SHROOM4: variants seen among roughly 807,000 people sequenced by gnomAD.
SHROOM4 encodes shroom family member 4.
A neutral mutation model predicts 80.3 loss-of-function variants in SHROOM4; 17 were observed. The ratio of observed to expected loss-of-function variants is 0.21; its 90% CI spans 0.14 to 0.32. SHROOM4 has a LOEUF of 0.32. Among genes scored for constraint, SHROOM4 ranks in the 10% least tolerant of loss-of-function variants. SHROOM4 has a pLI of 1.00. For missense variants in SHROOM4, 993 were observed against 1,140.3 expected (o/e 0.87, Z 1.86); for synonymous variants, 400 against 437.5 (o/e 0.91, Z 1.07).
chrX:50,734,833 G>A (rs1466707449), intron 1 of SHROOM4, among the ~76,000 whole-genome samples: 1 of 111,196 alleles, frequency 9.0e-6, no homozygotes, highest in East Asian at 2.8e-4. Flanking sequence ...TAGTGAATAA[G>A]TCTCATGAAA....
At chrX:50,623,433 C>T (rs1275591063) in intron 5 of SHROOM4, among the ~76,000 whole-genome samples, 2 of 111,174 alleles carry the variant, frequency 1.8e-5, no homozygotes, top group Non-Finnish European at 3.8e-5. Context: ...AGGGATCTGC[C>T]GGCTTCGGCC....
chrX:50,791,772 G>A (rs1935858088), intron 1 of SHROOM4, among the ~76,000 whole-genome samples: 1 of 108,305 alleles, frequency 9.2e-6, no homozygotes, highest in Admixed American at 1.0e-4. Flanking sequence ...ACTTCAAATA[G>A]CCAAAACAAT....
chrX:50,589,903 T>C lies in SHROOM4; in HGVS notation c.*6792A>G, dbSNP rs1928832664. On this transcript the variant is annotated 3_prime_UTR_variant, in exon 9 of 9. Coordinates refer to ENST00000376020, the MANE Select transcript of SHROOM4 (RefSeq NM_020717.5). ...AATTTACATCCCCATCAGCAATGTATGAGTGTTCCAATTTCTTCATTTCCT... is the reference window on the plus strand; with the variant it reads ...AATTTACATCCCCATCAGCAATGTACGAGTGTTCCAATTTCTTCATTTCCT... Among the ~76,000 whole-genome samples, 2 of 112,480 alleles carry C rather than the reference T, an allele frequency of 1.8e-5. No homozygotes were observed. Among genetic ancestry groups the C allele is most frequent in the Non-Finnish European group, 3.8e-5 (2 of 53,315 alleles).
intron 1 of SHROOM4, among the ~76,000 whole-genome samples, chrX:50,771,519 C>G (rs1265820070): frequency 8.9e-6 from 1 of 112,062 alleles, no homozygotes; most frequent in Non-Finnish European, 1.9e-5. Context: ...TCATGGAAAT[C>G]TGGGAGAAAT....
At chrX:50,704,680 G>A (rs1232865907) in intron 1 of SHROOM4, among the ~76,000 whole-genome samples, 1 of 111,951 alleles carries the variant, frequency 8.9e-6, no homozygotes, top group Non-Finnish European at 1.9e-5. Flanking sequence ...AGGGACAAAA[G>A]GCTGCCTCTG....
intron 5 of SHROOM4, among the ~76,000 whole-genome samples, chrX:50,620,530 T>C (rs1291519946): frequency 8.9e-6 from 1 of 112,009 alleles, no homozygotes; most frequent in Non-Finnish European, 1.9e-5. Flanking sequence ...TATTTCTAGA[T>C]TGTCCTCTAG....
chrX:50,716,262 A>G (rs1933951554), intron 1 of SHROOM4, among the ~76,000 whole-genome samples: 1 of 111,016 alleles, frequency 9.0e-6, no homozygotes, highest in Non-Finnish European at 1.9e-5. Flanking sequence ...TCAGTTAGAC[A>G]GGAGGAATAA....
chrX:50,582,482 G>A (rs781916117), downstream of SHROOM4, among the ~76,000 whole-genome samples: 2 of 111,812 alleles, frequency 1.8e-5, no homozygotes, highest in African/African-American at 3.2e-5. Flanking sequence ...CCCTCTACCC[G>A]GATTGTTCCC....
intron 2 of SHROOM4, among the ~76,000 whole-genome samples, chrX:50,661,571 T>C (rs1932514434): frequency 8.9e-6 from 1 of 112,638 alleles, no homozygotes; most frequent in Non-Finnish European, 1.9e-5. Context: ...AAAAGTTATA[T>C]ACTAAACAAT....
At chrX:50,676,313 T>A (rs1270581993) in intron 2 of SHROOM4, among the ~76,000 whole-genome samples, 1 of 110,474 alleles carries the variant, frequency 9.1e-6, no homozygotes, top group Admixed American at 9.6e-5. Context: ...TTTTTTCTAG[T>A]CCTTGAAAGC....
chrX:50,603,697 T>C (rs1245581421), intron 6 of SHROOM4, among the ~76,000 whole-genome samples: 3 of 111,833 alleles, frequency 2.7e-5, no homozygotes, highest in Admixed American at 9.5e-5. Flanking sequence ...GGCTGAGGCA[T>C]TGCTTCTCAG....
At chrX:50,762,984 T>C (rs1454754514) in intron 1 of SHROOM4, among the ~76,000 whole-genome samples, 10 of 111,874 alleles carry the variant, frequency 8.9e-5, no homozygotes, top group Non-Finnish European at 1.3e-4. Flanking sequence ...TTCATTTTTT[T>C]CCTGCCCCAT....
At position 50,633,282 on chromosome X, in the gene SHROOM4, A is replaced by G; in HGVS notation, c.2791T>C (p.Cys931Arg). 1.7e-6 allele frequency: 2 copies of G among 1,211,412 alleles called. No individual in the cohort carries two copies. Among genetic ancestry groups the G allele is most frequent in the Admixed American group, 2.2e-5 (1 of 45,972 alleles). ...CYNCRCHHHQ[C>R]IRCSVCYHNP... ...TGATAGCAAACTGAACACCGAATGC[A>G]TTGGTGGTGGTGGCACCGGCAGTTG... The change falls in exon 4 of 9, where the codon TGC becomes CGC. Residue 931 changes from cysteine to arginine, a missense_variant. By Grantham distance (180) the Cys-to-Arg change is radical. Coordinates refer to ENST00000376020, the MANE Select transcript of SHROOM4 (RefSeq NM_020717.5).
chrX:50,687,897 A>G (rs1291379669), intron 2 of SHROOM4, among the ~76,000 whole-genome samples: 6 of 109,624 alleles, frequency 5.5e-5, no homozygotes, highest in African/African-American at 2.0e-4. Context: ...ACTTCCCTAC[A>G]TAAGGATGTG....
At position 50,697,587 on chromosome X, in the gene SHROOM4, A is replaced by T. The variant is rs182449052; in HGVS notation, c.118-1650T>A. On this transcript the variant is annotated intron_variant, in intron 1 of 8. Transcript: ENST00000376020. ...ATTGCTGCTAATCCAACTTTTTTTT[A>T]AAAAAATTAACCTTTGTCTGACAAA... Among the ~76,000 whole-genome samples, 54 of 112,003 alleles carry T rather than the reference A, an allele frequency of 4.8e-4. No homozygotes were observed. The South Asian group carries it at 4.9e-3, about 10-fold the overall frequency.
At chrX:50,704,562 T>G (rs1001069700) in intron 1 of SHROOM4, among the ~76,000 whole-genome samples, 2 of 111,863 alleles carry the variant, frequency 1.8e-5, no homozygotes, top group Non-Finnish European at 3.8e-5. Flanking sequence ...GCCATTTATT[T>G]ATAATCCATT....
At chrX:50,675,836 T>C (rs1557261227) in intron 2 of SHROOM4, among the ~76,000 whole-genome samples, 10 of 111,543 alleles carry the variant, frequency 9.0e-5, no homozygotes, top group Non-Finnish European at 3.8e-5. Context: ...CTAGTTTAGA[T>C]TCCCCTCAAT....
At chrX:50,741,556 ATT>A (rs1431740793) in intron 1 of SHROOM4, among the ~76,000 whole-genome samples, 1 of 111,222 alleles carries the variant, frequency 9.0e-6, no homozygotes, top group African/African-American at 3.3e-5. Context: ...TACAATTATG[ATT>A]TGTCATTAAA....
chrX:50,801,261 G>GGA (rs781878531), intron 1 of SHROOM4, among the ~76,000 whole-genome samples: 2,387 of 81,490 alleles, frequency 0.029, 36 homozygotes, highest in Middle Eastern at 0.042. Context: ...GAGAGAAAGA[G>GGA]GAGAGAGAGA....
Sources: gnomAD v4.1 joint callset for allele counts (sites outside exome capture counted in the v4.1 genomes callset) on GRCh38, gnomAD v4.1.1 for gene constraint, MANE v1.5 for transcripts, NCBI Gene and HGNC (gene_info 2026-07-23, HGNC 2026-07-21) for gene names.